The following KIZ variants were observed in gnomAD, a reference collection of about 807,000 sequenced individuals.
KIZ encodes the protein centrosomal protein kizuna.
A neutral mutation model predicts 79.6 loss-of-function variants in KIZ; 68 were observed. The ratio of observed to expected loss-of-function variants is 0.85; its 90% CI spans 0.70 to 1.05. The LOEUF is 1.05. KIZ is among the 50% of genes least tolerant of loss of function. The pLI, the probability that KIZ is intolerant of heterozygous loss-of-function variation, is 0.00. For synonymous variants in KIZ, 280 were observed against 281.8 expected, an observed-to-expected ratio of 0.99 and a Z score of 0.06; for missense variants, 797 against 800.4, an observed-to-expected ratio of 1.00 and a Z score of 0.05.
intron 6 of KIZ, among the ~76,000 whole-genome samples, chr20:21,189,317 G>A (rs1249234472): frequency 2.6e-5 from 4 of 152,160 alleles, no homozygotes; most frequent in Non-Finnish European, 4.4e-5. Flanking sequence ...TTCGGTTAAA[G>A]GGGTTAAGTT....
intron 6 of KIZ, among the ~76,000 whole-genome samples, chr20:21,200,588 C>A (rs2035553586): frequency 6.6e-6 from 1 of 151,890 alleles, no homozygotes; most frequent in Admixed American, 6.6e-5. Context: ...AGCTCCCTTG[C>A]ATGCACAGTT....
At chr20:21,234,212 T>C (rs2036923137) in intron 11 of KIZ, among the ~76,000 whole-genome samples, 1 of 152,222 alleles carries the variant, frequency 6.6e-6, no homozygotes, top group Non-Finnish European at 1.5e-5. Flanking sequence ...TTTCACATCT[T>C]GTCTATATTT....
At chr20:21,172,479 C>T (rs1469897373) in intron 6 of KIZ, among the ~76,000 whole-genome samples, 1 of 151,822 alleles carries the variant, frequency 6.6e-6, no homozygotes, top group African/African-American at 2.4e-5. Context: ...GTGGCGCACG[C>T]TTGAGCTATT....
chr20:21,133,570 C>G (rs1423736268), intron 2 of KIZ, among the ~76,000 whole-genome samples: 5 of 152,238 alleles, frequency 3.3e-5, no homozygotes, highest in African/African-American at 1.2e-4. Flanking sequence ...GCTGCTGCTT[C>G]TCTCCCAGCC....
chr20:21,166,856 G>A (rs907204952), intron 6 of KIZ, among the ~76,000 whole-genome samples: 2 of 152,196 alleles, frequency 1.3e-5, no homozygotes, highest in Non-Finnish European at 2.9e-5. Context: ...TCCTCCCAAA[G>A]TGCTGGGATT....
intron 9 of KIZ, among the ~76,000 whole-genome samples, chr20:21,220,561 G>A (rs2036469978): frequency 6.6e-6 from 1 of 152,096 alleles, no homozygotes; most frequent in Admixed American, 6.5e-5. Context: ...TTGGCTCAGT[G>A]CAACCTCTGC....
intron 10 of KIZ, among the ~76,000 whole-genome samples, chr20:21,229,791 G>T (rs1340807806): frequency 2.6e-5 from 4 of 152,108 alleles, no homozygotes. Context: ...GCTCAGGCTG[G>T]TCTCAAACTC....
chr20:21,192,428 G>C (rs1053535647), intron 6 of KIZ, among the ~76,000 whole-genome samples: 6 of 151,826 alleles, frequency 4.0e-5, no homozygotes, highest in East Asian at 1.9e-4. Context: ...GGGACTGCAG[G>C]CTGGAGCCAC....
chr20:21,232,604 C>T, intron 10 of KIZ, 130 bp from the exon 11 acceptor site: 1 of 602,908 alleles, frequency 1.7e-6, no homozygotes. Flanking sequence ...CCCTTGCCTT[C>T]TGTGGCTTGA....
chr20:21,200,307 G>T (rs1031366314), intron 6 of KIZ, among the ~76,000 whole-genome samples: 2 of 152,124 alleles, frequency 1.3e-5, no homozygotes, highest in Admixed American at 1.3e-4. Context: ...GACCAGTTTT[G>T]TTTAAGACAG....
chr20:21,133,368 G>C (rs979480406), intron 2 of KIZ, among the ~76,000 whole-genome samples: 3 of 152,222 alleles, frequency 2.0e-5, no homozygotes, highest in Non-Finnish European at 1.5e-5. Context: ...GGATGCTGTG[G>C]CCTCAAGAGT....
chr20:21,220,134 T>C (rs979802822), intron 9 of KIZ, among the ~76,000 whole-genome samples: 3 of 149,524 alleles, frequency 2.0e-5, no homozygotes. Context: ...ATTAGTTATA[T>C]ATTATATATC....
intron 4 of KIZ, among the ~76,000 whole-genome samples, chr20:21,156,708 C>T (rs1174754609): frequency 6.6e-6 from 1 of 152,210 alleles, no homozygotes; most frequent in Non-Finnish European, 1.5e-5. Flanking sequence ...CAAGAAAGAG[C>T]GTGTCTCTGT....
intron 11 of KIZ, among the ~76,000 whole-genome samples, chr20:21,242,968 T>A (rs1012233403): frequency 6.6e-6 from 1 of 151,984 alleles, no homozygotes; most frequent in African/African-American, 2.4e-5. Flanking sequence ...TAATCCACCC[T>A]CCCCTGCAGC....
chr20:21,137,320 C>A (rs2032250626), intron 3 of KIZ, among the ~76,000 whole-genome samples: 1 of 152,086 alleles, frequency 6.6e-6, no homozygotes, highest in Non-Finnish European at 1.5e-5. Flanking sequence ...TGCTGCTCCA[C>A]AAATTATGCC....
chr20:21,152,317 A>T (rs1384769202), intron 4 of KIZ, among the ~76,000 whole-genome samples: 2 of 152,180 alleles, frequency 1.3e-5, no homozygotes, highest in Admixed American at 6.5e-5. Flanking sequence ...ACCTATGAAG[A>T]AGGGATGAGC....
intron 6 of KIZ, among the ~76,000 whole-genome samples, chr20:21,201,812 G>C (rs2035611916): frequency 1.3e-5 from 2 of 152,154 alleles, no homozygotes. Flanking sequence ...GTACCACTTT[G>C]CACATTTTCT....
chr20:21,136,307 T>C, intron 2 of KIZ, 83 bp from the exon 3 acceptor site: 1 of 816,162 alleles, frequency 1.2e-6, no homozygotes, highest in Admixed American at 3.1e-5. Flanking sequence ...ATTGTCTCAT[T>C]AACAATTTTG....
intron 9 of KIZ, among the ~76,000 whole-genome samples, chr20:21,222,046 C>T (rs1433296869): frequency 6.6e-6 from 1 of 152,226 alleles, no homozygotes; most frequent in Non-Finnish European, 1.5e-5. Flanking sequence ...CATTGAAAGT[C>T]CACGTGGCCC....
Sources: allele counts gnomAD v4.1 joint callset (sites outside exome capture counted in the v4.1 genomes callset), GRCh38; gene constraint gnomAD v4.1.1; transcripts MANE v1.5; gene names NCBI Gene and HGNC (gene_info 2026-07-23, HGNC 2026-07-21).